Variants in EIPR1 observed in about 807,000 individuals in gnomAD.
EIPR1 encodes the protein EARP complex and GARP complex interacting protein 1, also known as EARP and GARP complex-interacting protein 1.
Under a neutral mutation model 48.1 loss-of-function variants are expected in EIPR1, and 25 were observed. That is an observed-to-expected ratio of 0.52 (90% CI 0.38 to 0.73). EIPR1 has a LOEUF of 0.73. Among genes scored for constraint, EIPR1 ranks in the 30% least tolerant of loss-of-function variants. The probability of loss-of-function intolerance (pLI) is 0.00; values close to 1 mark genes in which losing one functional copy is unlikely to be tolerated. For missense variants in EIPR1, 415 were observed against 506.2 expected (o/e 0.82, Z 1.73); for synonymous variants, 204 against 201.9 (o/e 1.01, Z -0.09).
chr2:3,293,071 G>A (rs900211689), intron 3 of EIPR1, among the ~76,000 whole-genome samples: 2 of 152,202 alleles, frequency 1.3e-5, no homozygotes, highest in East Asian at 1.9e-4. Flanking sequence ...CAAGTCCTCT[G>A]CCAGCCTACG....
At chr2:3,203,531 G>A (rs1665120620) in intron 5 of EIPR1, among the ~76,000 whole-genome samples, 1 of 152,248 alleles carries the variant, frequency 6.6e-6, no homozygotes, top group African/African-American at 2.4e-5. Flanking sequence ...GCCCGCAGTC[G>A]GGGCGCCTCC....
At chr2:3,260,260 A>G (rs1474953931) in intron 3 of EIPR1, among the ~76,000 whole-genome samples, 1 of 152,224 alleles carries the variant, frequency 6.6e-6, no homozygotes, top group Non-Finnish European at 1.5e-5. Context: ...TGGGAGGCCA[A>G]GGCAGGCGGA....
chr2:3,343,166 G>A (rs965217760), intron 2 of EIPR1, among the ~76,000 whole-genome samples: 1 of 152,150 alleles, frequency 6.6e-6, no homozygotes, highest in Non-Finnish European at 1.5e-5. Flanking sequence ...GAGCTCTGCC[G>A]CCCCGCCACC....
At chr2:3,310,459 C>T (rs1287481672) in intron 3 of EIPR1, among the ~76,000 whole-genome samples, 2 of 142,026 alleles carry the variant, frequency 1.4e-5, no homozygotes, top group Non-Finnish European at 3.0e-5. Context: ...TGAGACCATC[C>T]TGGCTAAAAC....
At chr2:3,253,138 G>A (rs1198836575) in intron 4 of EIPR1, among the ~76,000 whole-genome samples, 7 of 152,094 alleles carry the variant, frequency 4.6e-5, no homozygotes, top group Non-Finnish European at 1.0e-4. Flanking sequence ...GAGTCTCCAC[G>A]GTCCTTTTTC....
intron 4 of EIPR1, among the ~76,000 whole-genome samples, chr2:3,219,027 C>T (rs113119842): frequency 1.0e-4 from 15 of 143,382 alleles, no homozygotes; most frequent in South Asian, 2.3e-4. Flanking sequence ...CCCTGGTATA[C>T]TCTAGAGCAT....
At chr2:3,266,187 A>G (rs542105561) in intron 3 of EIPR1, among the ~76,000 whole-genome samples, 1 of 152,346 alleles carries the variant, frequency 6.6e-6, no homozygotes, top group South Asian at 2.1e-4. Flanking sequence ...CAGCCCGGCT[A>G]AAGGGCGAAC....
intron 3 of EIPR1, among the ~76,000 whole-genome samples, chr2:3,308,717 T>C (rs922168686): frequency 6.6e-6 from 1 of 152,218 alleles, no homozygotes; most frequent in South Asian, 2.1e-4. Flanking sequence ...ATGGCACGAT[T>C]AGACTTCTGA....
intron 3 of EIPR1, among the ~76,000 whole-genome samples, chr2:3,299,260 G>A (rs756614534): frequency 1.5e-4 from 23 of 152,118 alleles, no homozygotes; most frequent in African/African-American, 3.9e-4. Context: ...GGAGTGCTCC[G>A]CCCTGGGTCA....
At chr2:3,319,351 C>T (rs891621067) in intron 3 of EIPR1, 4 of 214,348 alleles carry the variant, frequency 1.9e-5, no homozygotes, top group African/African-American at 9.1e-5. Flanking sequence ...AGGCCAATGG[C>T]ACAGAGGACT....
chr2:3,225,222 ATGTGTGTGTGTGTGTG>A lies in EIPR1; in HGVS notation c.417-10990_417-10975del, dbSNP rs61557621. 9.0e-4 allele frequency among the ~76,000 whole-genome samples: 124 copies of A among 137,020 alleles called. 1 individual carries two copies. The highest frequency in any genetic ancestry group is 3.5e-3 in the Middle Eastern group (1 of 282). 89.9% of individuals were successfully genotyped at this position (137,020 alleles called of 152,430 possible). On this transcript the variant is annotated intron_variant, in intron 4 of 8. Coordinates refer to ENST00000382125, the MANE Select transcript of EIPR1 (RefSeq NM_003310.5). ...GTATATTTAGGTAGTACACTGTGAT[ATGTGTGTGTGTGTGTG>A]TGTGTGTGTGTGTGTGTGTGTGTGT...
intron 3 of EIPR1, among the ~76,000 whole-genome samples, chr2:3,329,838 T>A (rs1216067362): frequency 1.3e-5 from 2 of 151,822 alleles, no homozygotes; most frequent in African/African-American, 4.8e-5. Context: ...CTCCCCCAGA[T>A]GAGGGTTCCA....
At chr2:3,222,709 G>A (rs989366945) in intron 4 of EIPR1, among the ~76,000 whole-genome samples, 3 of 152,200 alleles carry the variant, frequency 2.0e-5, no homozygotes, top group Non-Finnish European at 2.9e-5. Flanking sequence ...AGGCCTGGGC[G>A]TGGAGGGCCC....
At chr2:3,209,947 G>C (rs1665385746) in intron 5 of EIPR1, among the ~76,000 whole-genome samples, 1 of 152,196 alleles carries the variant, frequency 6.6e-6, no homozygotes, top group Non-Finnish European at 1.5e-5. Context: ...CACCACGGTA[G>C]AGGACAGGTG....
chr2:3,240,619 A>G, intron 4 of EIPR1, among the ~76,000 whole-genome samples: 1 of 148,648 alleles, frequency 6.7e-6, no homozygotes, highest in African/African-American at 2.5e-5. Flanking sequence ...TCCCTCCTAA[A>G]GAAAAGCCAG....
intron 3 of EIPR1, chr2:3,320,397 C>T (rs566164532): frequency 6.2e-6 from 1 of 160,430 alleles, no homozygotes; most frequent in Admixed American, 6.5e-5. Context: ...GCGGACAACA[C>T]TGCACCTGTG....
At chr2:3,274,156 G>C (rs1361239499) in intron 3 of EIPR1, among the ~76,000 whole-genome samples, 1 of 152,128 alleles carries the variant, frequency 6.6e-6, no homozygotes. Context: ...TAGACTGAGA[G>C]GGTCCACTGT....
At chr2:3,346,163 G>C (rs1438342623) in intron 2 of EIPR1, among the ~76,000 whole-genome samples, 3 of 152,268 alleles carry the variant, frequency 2.0e-5, no homozygotes, top group Non-Finnish European at 4.4e-5. Flanking sequence ...GCTGGCCCAA[G>C]GGCGGCAGCA....
intron 4 of EIPR1, among the ~76,000 whole-genome samples, chr2:3,228,741 T>C (rs1330091050): frequency 6.6e-6 from 1 of 152,150 alleles, no homozygotes; most frequent in African/African-American, 2.4e-5. Flanking sequence ...ATGCTGTTCT[T>C]GTGATAATGA....
Sources: gnomAD v4.1 joint callset for allele counts (sites outside exome capture counted in the v4.1 genomes callset) on GRCh38, gnomAD v4.1.1 for gene constraint, MANE v1.5 for transcripts, NCBI Gene and HGNC (gene_info 2026-07-23, HGNC 2026-07-21) for gene names.